UPRT: variants seen among roughly 807,000 people sequenced by gnomAD.
UPRT encodes the protein RP11-311P8.3.
A neutral mutation model predicts 22.6 loss-of-function variants in UPRT; 5 were observed. That is an observed-to-expected ratio of 0.22 (90% CI 0.12 to 0.47). The LOEUF (loss-of-function observed/expected upper bound fraction) is 0.47, where lower values mean the gene tolerates loss of function less well. Among genes scored for constraint, UPRT ranks in the 20% least tolerant of loss-of-function variants. The pLI, the probability that UPRT is intolerant of heterozygous loss-of-function variation, is 0.99. For synonymous variants in UPRT, 77 were observed against 87.7 expected (o/e 0.88, Z 0.68); for missense variants, 181 against 239.9 (o/e 0.75, Z 1.62).
chrX:75,185,251 A>G (rs750447390), intron 4 of UPRT, among the ~76,000 whole-genome samples: 11 of 111,990 alleles, frequency 9.8e-5, no homozygotes, highest in African/African-American at 3.6e-4. Context: ...ATTTTGTCAA[A>G]GGCCTTTTCT....
chrX:75,221,960 C>G (rs887151759), intron 4 of UPRT, among the ~76,000 whole-genome samples: 4 of 111,321 alleles, frequency 3.6e-5, no homozygotes, highest in African/African-American at 9.8e-5. Flanking sequence ...ACCTGTCCTT[C>G]TTGAGAAGGC....
At chrX:75,246,616 A>G (rs1368240512) in intron 4 of UPRT, among the ~76,000 whole-genome samples, 4 of 111,401 alleles carry the variant, frequency 3.6e-5, no homozygotes, top group African/African-American at 1.3e-4. Flanking sequence ...TTGGGTATAT[A>G]CCCAGTAATG....
At chrX:75,223,058 A>C (rs759940114) in intron 4 of UPRT, among the ~76,000 whole-genome samples, 2 of 109,523 alleles carry the variant, frequency 1.8e-5, no homozygotes, top group Non-Finnish European at 3.8e-5. Flanking sequence ...CAGTTGATGA[A>C]TCTTTTGTGG....
chrX:75,230,758 G>C (rs770111108), intron 4 of UPRT, among the ~76,000 whole-genome samples: 20 of 111,700 alleles, frequency 1.8e-4, no homozygotes, highest in Non-Finnish European at 3.4e-4. Flanking sequence ...GAGACCTGAA[G>C]ATGAATCACA....
intron 4 of UPRT, among the ~76,000 whole-genome samples, chrX:75,228,141 A>C (rs1029198280): frequency 9.0e-6 from 1 of 111,539 alleles, no homozygotes; most frequent in Non-Finnish European, 1.9e-5. Context: ...AAGAAGAGAG[A>C]GAAATTGCAA....
chrX:75,253,400 T>A (rs1035023563), intron 4 of UPRT, among the ~76,000 whole-genome samples: 1 of 111,706 alleles, frequency 9.0e-6, no homozygotes, highest in Non-Finnish European at 1.9e-5. Context: ...TAATAAAAAG[T>A]CAAAAAATAA....
At chrX:75,196,315 G>A (rs2082332496) in intron 4 of UPRT, among the ~76,000 whole-genome samples, 2 of 111,847 alleles carry the variant, frequency 1.8e-5, no homozygotes, top group African/African-American at 6.5e-5. Flanking sequence ...ATAGGCACAT[G>A]CTACCACACC....
chrX:75,295,255 A>G (rs1277055583), intron 2 of UPRT, among the ~76,000 whole-genome samples: 2 of 109,841 alleles, frequency 1.8e-5, no homozygotes, highest in Non-Finnish European at 3.8e-5. Context: ...GATTTTATGC[A>G]CTCCTGTAAG....
At chrX:75,195,835 C>T (rs1422290409) in intron 4 of UPRT, among the ~76,000 whole-genome samples, 4 of 111,933 alleles carry the variant, frequency 3.6e-5, no homozygotes, top group Admixed American at 9.4e-5. Context: ...ATGTCCTAGT[C>T]CCTTGGTGCT....
intron 4 of UPRT, among the ~76,000 whole-genome samples, chrX:75,194,830 C>T (rs976742969): frequency 7.2e-5 from 8 of 110,966 alleles, no homozygotes; most frequent in African/African-American, 9.8e-5. Context: ...CAGCAGTAGC[C>T]GCACAGTGCA....
intron 2 of UPRT, among the ~76,000 whole-genome samples, chrX:75,295,235 T>A (rs185779067): frequency 3.6e-5 from 4 of 110,849 alleles, no homozygotes; most frequent in African/African-American, 9.8e-5. Flanking sequence ...TATATTTTAG[T>A]CACTCTTCTG....
At chrX:75,301,446 G>C (rs562106296) in intron 6 of UPRT, among the ~76,000 whole-genome samples, 1 of 111,930 alleles carries the variant, frequency 8.9e-6, no homozygotes, top group South Asian at 3.7e-4. Flanking sequence ...CCTAACTTAA[G>C]ATCTTAGTGT....
At chrX:75,290,220 C>A (rs761454287) in intron 1 of UPRT, among the ~76,000 whole-genome samples, 1 of 112,068 alleles carries the variant, frequency 8.9e-6, no homozygotes, top group East Asian at 2.8e-4. Context: ...CATCACTAAT[C>A]ATCAGATAAA....
intron 4 of UPRT, among the ~76,000 whole-genome samples, chrX:75,181,482 C>A (rs147026651): frequency 1.8e-5 from 2 of 111,340 alleles, no homozygotes; most frequent in Non-Finnish European, 3.8e-5. Flanking sequence ...TATCTGTGAG[C>A]GTGGAATGTT....
chrX:75,189,111 G>T (rs754151664), intron 4 of UPRT, among the ~76,000 whole-genome samples: 1 of 112,053 alleles, frequency 8.9e-6, no homozygotes, highest in East Asian at 2.8e-4. Context: ...TTTCTCTTGT[G>T]GGCATTTAGT....
upstream of UPRT, among the ~76,000 whole-genome samples, chrX:75,272,347 CAT>C (rs745924274): frequency 4.3e-3 from 350 of 81,328 alleles, 4 homozygotes; most frequent in Middle Eastern, 0.017. Context: ...TATATATACA[CAT>C]ATATATATGT....
chrX:75,292,332 A>G (rs1373363839), intron 1 of UPRT, among the ~76,000 whole-genome samples: 1 of 111,728 alleles, frequency 9.0e-6, no homozygotes, highest in African/African-American at 3.2e-5. Context: ...GTGTGTAGGT[A>G]TGTGTGGATA....
chrX:75,254,955 G>T lies in UPRT; in HGVS notation c.-446-36069G>T, dbSNP rs377047727. Among the ~76,000 whole-genome samples the T allele has an allele frequency of 3.6e-3, 392 of 109,016 alleles. 3 individuals carry two copies. The highest frequency in any genetic ancestry group is 0.012 in the African/African-American group (371 of 29,972). The allele number at this position is 109,016 out of a possible 115,157, so 94.7% of individuals were successfully genotyped here. ...CGCACCCGGCTAATTTTTTGTATTT[G>T]TAGTAGAGACGGGGTTTCACCTTGT... On this transcript the variant is annotated intron_variant, in intron 4 of 13. Coordinates refer to the UPRT transcript ENST00000652605.
At chrX:75,237,776 C>T (rs1315333714) in intron 4 of UPRT, among the ~76,000 whole-genome samples, 7 of 81,759 alleles carry the variant, frequency 8.6e-5, no homozygotes, top group African/African-American at 3.5e-4. Flanking sequence ...GGAAGGGGAA[C>T]ATCACACTCT....
Sources: gnomAD v4.1 joint callset for allele counts (sites outside exome capture counted in the v4.1 genomes callset) on GRCh38, gnomAD v4.1.1 for gene constraint, MANE v1.5 for transcripts, NCBI Gene and HGNC (gene_info 2026-07-23, HGNC 2026-07-21) for gene names.